Variants in MAGI1 observed in about 807,000 individuals in gnomAD.
The protein encoded by MAGI1 is membrane associated guanylate kinase, WW and PDZ domain containing 1.
Under a neutral mutation model 139.9 loss-of-function variants are expected in MAGI1, and 58 were observed. The observed-to-expected ratio is 0.41, with a 90% CI of 0.34 to 0.52. The LOEUF (loss-of-function observed/expected upper bound fraction) is 0.52, where lower values mean the gene tolerates loss of function less well. Ranked by LOEUF, MAGI1 falls within the 20% of genes least tolerant of loss-of-function variation. MAGI1 has a pLI of 0.12. For synonymous variants in MAGI1, 812 were observed against 737.9 expected (o/e 1.10, Z -1.63); for missense variants, 1,874 against 1,901.6 (o/e 0.99, Z 0.27).
chr3:65,412,287 C>T (rs929985099), intron 12 of MAGI1, among the ~76,000 whole-genome samples: 3 of 152,184 alleles, frequency 2.0e-5, no homozygotes, highest in African/African-American at 7.2e-5. Flanking sequence ...GTGTGGGTGG[C>T]TCCTGCCTTT....
At chr3:65,831,807 AAGGTGGC>A (rs2042545454) in intron 1 of MAGI1, among the ~76,000 whole-genome samples, 1 of 152,236 alleles carries the variant, frequency 6.6e-6, no homozygotes, top group Admixed American at 6.5e-5. Flanking sequence ...GAGAAAATAA[AAGGTGGC>A]AGTCTTTACT....
intron 1 of MAGI1, among the ~76,000 whole-genome samples, chr3:65,927,564 T>A (rs143815659): frequency 3.3e-4 from 51 of 152,330 alleles, no homozygotes; most frequent in African/African-American, 1.1e-3. Context: ...CAGATTTATT[T>A]GCCAAGAAAT....
intron 1 of MAGI1, among the ~76,000 whole-genome samples, chr3:65,638,249 T>C (rs539874265): frequency 8.5e-5 from 13 of 152,180 alleles, no homozygotes; most frequent in Non-Finnish European, 1.9e-4. Context: ...TGCTCACTAA[T>C]GTGAGCTACC....
At chr3:65,954,455 G>A (rs1011230642) in intron 1 of MAGI1, 1 of 152,596 alleles carries the variant, frequency 6.6e-6, no homozygotes, top group African/African-American at 2.4e-5. Context: ...TAGAGCCATA[G>A]GCACTGACAT....
chr3:65,456,967 A>T (rs930042336), intron 5 of MAGI1, among the ~76,000 whole-genome samples: 2 of 152,132 alleles, frequency 1.3e-5, no homozygotes, highest in African/African-American at 4.8e-5. Flanking sequence ...AGTACATTTG[A>T]TATCAAGCAG....
At chr3:65,653,927 T>C (rs1050467502) in intron 1 of MAGI1, among the ~76,000 whole-genome samples, 1 of 152,084 alleles carries the variant, frequency 6.6e-6, no homozygotes, top group African/African-American at 2.4e-5. Flanking sequence ...TATATTTCCA[T>C]GGTGAGGAGG....
chr3:65,889,257 A>C (rs2060647414), intron 1 of MAGI1, among the ~76,000 whole-genome samples: 1 of 152,246 alleles, frequency 6.6e-6, no homozygotes, highest in Admixed American at 6.5e-5. Flanking sequence ...GAAAGTAATC[A>C]TCTGATATGT....
At chr3:65,806,313 C>G (rs535399828) in intron 1 of MAGI1, among the ~76,000 whole-genome samples, 1 of 151,908 alleles carries the variant, frequency 6.6e-6, no homozygotes, top group Admixed American at 6.6e-5. Flanking sequence ...CCTGTGGTCC[C>G]AGCTACTCGG....
chr3:65,689,265 T>C (rs148935289), intron 1 of MAGI1, among the ~76,000 whole-genome samples: 17 of 152,338 alleles, frequency 1.1e-4, no homozygotes, highest in African/African-American at 3.8e-4. Context: ...TCAAAGTAAG[T>C]TCTGTTTTGA....
At chr3:65,722,495 C>T (rs756830480) in intron 1 of MAGI1, among the ~76,000 whole-genome samples, 3 of 151,764 alleles carry the variant, frequency 2.0e-5, no homozygotes, top group Non-Finnish European at 4.4e-5. Flanking sequence ...TAGCTAGACA[C>T]AGTGGCATGT....
At chr3:65,439,647 C>G (rs1178724186) in intron 9 of MAGI1, among the ~76,000 whole-genome samples, 1 of 152,154 alleles carries the variant, frequency 6.6e-6, no homozygotes, top group Admixed American at 6.5e-5. Context: ...TAATGATGCT[C>G]CTTTCTAAAT....
At chr3:65,591,190 A>G (rs1203189091) in intron 2 of MAGI1, among the ~76,000 whole-genome samples, 1 of 152,128 alleles carries the variant, frequency 6.6e-6, no homozygotes, top group East Asian at 1.9e-4. Flanking sequence ...CTGACTGTCA[A>G]GCTCACTATG....
At chr3:65,469,605 G>A (rs563500299) in intron 5 of MAGI1, 4 of 151,304 alleles carry the variant, frequency 2.6e-5, no homozygotes, top group African/African-American at 7.3e-5. Context: ...ATTAACTTGC[G>A]CATTACAGAC....
intron 1 of MAGI1, among the ~76,000 whole-genome samples, chr3:65,852,598 G>A (rs2059241893): frequency 6.6e-6 from 1 of 151,408 alleles, no homozygotes; most frequent in Non-Finnish European, 1.5e-5. Flanking sequence ...CTGCCTCCCG[G>A]GTTCAAGTGA....
chr3:65,724,561 T>C (rs1277282951), intron 1 of MAGI1, among the ~76,000 whole-genome samples: 1 of 152,206 alleles, frequency 6.6e-6, no homozygotes, highest in Non-Finnish European at 1.5e-5. Context: ...TTATCTAGGA[T>C]AATGCCCGAC....
chr3:65,587,565 C>T (rs2081749240), intron 2 of MAGI1, among the ~76,000 whole-genome samples: 1 of 148,272 alleles, frequency 6.7e-6, no homozygotes, highest in South Asian at 2.1e-4. Context: ...CTCACTGCAA[C>T]CCCTACCTCC....
intron 1 of MAGI1, chr3:65,907,535 A>T (rs2061487128): frequency 6.6e-6 from 1 of 152,250 alleles, no homozygotes. Context: ...CAACGTTGGA[A>T]GTAAAACGGG....
At chr3:65,783,126 A>G (rs923398726) in intron 1 of MAGI1, among the ~76,000 whole-genome samples, 1 of 152,168 alleles carries the variant, frequency 6.6e-6, no homozygotes, top group Admixed American at 6.5e-5. Context: ...TACAAATCAC[A>G]TATCTAATAA....
intron 1 of MAGI1, among the ~76,000 whole-genome samples, chr3:65,668,803 C>T (rs2086683171): frequency 6.6e-6 from 1 of 151,820 alleles, no homozygotes; most frequent in Non-Finnish European, 1.5e-5. Context: ...CCACCTGCCT[C>T]GACCTCCCAA....
Sources: allele counts gnomAD v4.1 joint callset (sites outside exome capture counted in the v4.1 genomes callset), GRCh38; gene constraint gnomAD v4.1.1; transcripts MANE v1.5; gene names NCBI Gene and HGNC (gene_info 2026-07-23, HGNC 2026-07-21).